Variants in NALCN observed in about 807,000 individuals in gnomAD.
NALCN encodes the protein sodium leak channel NALCN.
NALCN carries 111 observed loss-of-function variants against 225.3 expected under a neutral mutation model. The observed-to-expected ratio is 0.49, with a 90% confidence interval of 0.42 to 0.58. The LOEUF (loss-of-function observed/expected upper bound fraction) is 0.58. NALCN is among the 20% of genes least tolerant of loss of function. The probability of loss-of-function intolerance (pLI) is 0.00; values close to 1 mark genes in which losing one functional copy is unlikely to be tolerated. For synonymous variants in NALCN, 764 were observed against 769.0 expected (o/e 0.99, Z 0.11); for missense variants, 1,378 against 2,202.4 (o/e 0.63, Z 7.49).
At chr13:101,335,786 C>T (rs1274668586) in intron 7 of NALCN, among the ~76,000 whole-genome samples, 1 of 151,114 alleles carries the variant, frequency 6.6e-6, no homozygotes, top group Non-Finnish European at 1.5e-5. Flanking sequence ...TCTTTTATGA[C>T]TGCAGTAAAA....
chr13:101,077,430 G>A (rs1328736042), intron 34 of NALCN, among the ~76,000 whole-genome samples: 3 of 152,128 alleles, frequency 2.0e-5, no homozygotes, highest in Admixed American at 2.0e-4. Context: ...GGATAGCTTT[G>A]ACCAAAATAC....
chr13:101,242,334 T>C, intron 11 of NALCN, among the ~76,000 whole-genome samples: 1 of 105,682 alleles, frequency 9.5e-6, no homozygotes, highest in Non-Finnish European at 2.1e-5. Context: ...CTAATTTCTT[T>C]CCCTATTCAT....
intron 14 of NALCN, among the ~76,000 whole-genome samples, chr13:101,182,689 A>C (rs1297796308): frequency 1.3e-5 from 2 of 152,092 alleles, no homozygotes; most frequent in Admixed American, 1.3e-4. Flanking sequence ...CATGTAGGGC[A>C]CTGTGATAAG....
chr13:101,175,163 G>T (rs897147114), intron 15 of NALCN, among the ~76,000 whole-genome samples: 5 of 152,098 alleles, frequency 3.3e-5, no homozygotes, highest in African/African-American at 9.7e-5. Flanking sequence ...ATGCCCATTT[G>T]CCTGGGTAGC....
At chr13:101,304,065 T>A (rs1224226484) in intron 7 of NALCN, among the ~76,000 whole-genome samples, 1 of 152,184 alleles carries the variant, frequency 6.6e-6, no homozygotes, top group Non-Finnish European at 1.5e-5. Flanking sequence ...TATTCATAAG[T>A]CTTTTTGTAG....
chr13:101,179,079 T>G (rs141972295), intron 14 of NALCN, among the ~76,000 whole-genome samples: 1 of 152,162 alleles, frequency 6.6e-6, no homozygotes, highest in East Asian at 1.9e-4. Context: ...ACTCCATGGA[T>G]GTGTGAGGCA....
intron 14 of NALCN, among the ~76,000 whole-genome samples, chr13:101,183,331 A>C (rs764980412): frequency 1.3e-5 from 2 of 152,214 alleles, no homozygotes; most frequent in Non-Finnish European, 1.5e-5. Flanking sequence ...TGCCACATTA[A>C]ATCACAGGAG....
chr13:101,165,072 T>C (rs1050168330), intron 15 of NALCN, among the ~76,000 whole-genome samples: 15 of 152,234 alleles, frequency 9.9e-5, no homozygotes, highest in African/African-American at 3.1e-4. Flanking sequence ...ATCCTTGATA[T>C]CTGATATTTC....
In NALCN at chr13:101,345,403, C is replaced by G. The variant is rs1165647139; in HGVS notation, c.662G>C (p.Ser221Thr). The stretch of plus-strand genomic sequence containing the variant: ...GCAGTGTGTGTCTGGAATAGCTAAA[C>G]TATTCCAGGTTACATTCCTGTGAAC... ...DTKPGNVTWN[S>T]LAIPDTHCSP... Residue 221 changes from serine to threonine, a missense_variant, in exon 7 of 44, where the codon AGT becomes ACT. By Grantham distance (58) the Ser-to-Thr change is moderately conservative. This residue lies in a region of NALCN where 67 missense variants were observed against 82.1 expected (regional missense o/e 0.82). Transcript: ENST00000251127. 2 of 1,613,216 alleles carry G rather than the reference C, an allele frequency of 1.2e-6. No individual in the cohort carries two copies. The highest frequency in any genetic ancestry group is 2.7e-5 in the African/African-American group (2 of 74,870).
chr13:101,250,407 T>C (rs2042027035), intron 11 of NALCN, among the ~76,000 whole-genome samples: 1 of 152,080 alleles, frequency 6.6e-6, no homozygotes, highest in Non-Finnish European at 1.5e-5. Context: ...TGACAACATG[T>C]TATCAACTAA....
chr13:101,388,421 AAT>A (rs1566641911), intron 3 of NALCN, among the ~76,000 whole-genome samples: 68 of 146,384 alleles, frequency 4.6e-4, no homozygotes, highest in African/African-American at 1.6e-3. Context: ...ACAGATTGAA[AAT>A]AAAAAAAAAA....
chr13:101,198,079 C>A (rs998485367), intron 13 of NALCN, among the ~76,000 whole-genome samples: 17 of 151,838 alleles, frequency 1.1e-4, no homozygotes, highest in African/African-American at 4.1e-4. Flanking sequence ...AGGGTGAGAA[C>A]CAGAGAGTAG....
intron 39 of NALCN, among the ~76,000 whole-genome samples, chr13:101,066,685 C>G (rs1018906639): frequency 6.6e-6 from 1 of 152,072 alleles, no homozygotes; most frequent in African/African-American, 2.4e-5. Flanking sequence ...GCACGCAGGG[C>G]TCTCACTACC....
intron 10 of NALCN, among the ~76,000 whole-genome samples, chr13:101,275,892 C>T (rs996671347): frequency 2.0e-5 from 3 of 151,676 alleles, no homozygotes; most frequent in South Asian, 2.1e-4. Flanking sequence ...GGTGAAACCC[C>T]GTCTCTACTA....
rs75709139 is a variant in NALCN, at chr13:101,284,208, A to G, written c.1048-189T>C. Among the ~76,000 whole-genome samples, 313 of 152,344 alleles carry G rather than the reference A, an allele frequency of 2.1e-3. 2 individuals are homozygous for G. The highest frequency in any genetic ancestry group is 6.9e-3 in the African/African-American group (286 of 41,586). On this transcript the variant is annotated intron_variant, in intron 9 of 43. Transcript: ENST00000251127. ...TTAAATGAATGAAAAAAGAACAATG[A>G]TAATAACTTGAGTTTATTGACTACT...
At chr13:101,335,264 A>C (rs544882459) in intron 7 of NALCN, among the ~76,000 whole-genome samples, 1 of 152,104 alleles carries the variant, frequency 6.6e-6, no homozygotes, top group African/African-American at 2.4e-5. Flanking sequence ...CTGCCTTTAA[A>C]CTCCTTTCTT....
chr13:101,143,292 A>G, intron 16 of NALCN, 71 bp from the exon 17 acceptor site: 5 of 1,472,748 alleles, frequency 3.4e-6, no homozygotes, highest in Non-Finnish European at 4.5e-6. Context: ...TTTTGCAATG[A>G]TGAGTTTGCT....
At chr13:101,161,541 T>C (rs978727347) in intron 15 of NALCN, among the ~76,000 whole-genome samples, 3 of 152,194 alleles carry the variant, frequency 2.0e-5, no homozygotes, top group African/African-American at 7.2e-5. Flanking sequence ...TCCCATCTTA[T>C]AAGCTTTCAG....
At chr13:101,084,047 T>C (rs996837446) in intron 30 of NALCN, among the ~76,000 whole-genome samples, 11 of 152,148 alleles carry the variant, frequency 7.2e-5, no homozygotes, top group African/African-American at 2.7e-4. Flanking sequence ...TCTTTGGAGA[T>C]GTGTAATATT....
Sources: gnomAD v4.1 joint callset for allele counts (sites outside exome capture counted in the v4.1 genomes callset) on GRCh38, gnomAD v4.1.1 for gene constraint, gnomAD v4.1.1 regional missense constraint, MANE v1.5 for transcripts, NCBI Gene and HGNC (gene_info 2026-07-23, HGNC 2026-07-21) for gene names.